CPXM2: variants seen among roughly 807,000 people sequenced by gnomAD.
CPXM2 encodes inactive carboxypeptidase-like protein X2.
CPXM2 carries 66 observed loss-of-function variants against 86.1 expected under a neutral mutation model. The ratio of observed to expected loss-of-function variants is 0.77; its 90% CI spans 0.63 to 0.94. The LOEUF (loss-of-function observed/expected upper bound fraction) is 0.94. Ranked by LOEUF, CPXM2 falls within the 40% of genes least tolerant of loss-of-function variation. The pLI is 0.00. For synonymous variants in CPXM2, 388 were observed against 400.2 expected, an observed-to-expected ratio of 0.97 and a Z score of 0.36; for missense variants, 948 against 1,026.3, an observed-to-expected ratio of 0.92 and a Z score of 1.04.
intron 12 of CPXM2, among the ~76,000 whole-genome samples, chr10:123,755,267 G>T (rs1439871607): frequency 1.3e-5 from 2 of 152,248 alleles, no homozygotes; most frequent in African/African-American, 4.8e-5. Flanking sequence ...GTCCTGCAGG[G>T]AATGTCTGCT....
intron 2 of CPXM2, among the ~76,000 whole-genome samples, chr10:123,875,423 C>A (rs1343115468): frequency 6.6e-6 from 1 of 152,164 alleles, no homozygotes; most frequent in Non-Finnish European, 1.5e-5. Context: ...GAAATACAGG[C>A]ATGGCAGTTT....
chr10:123,782,010 C>T (rs530999798), intron 6 of CPXM2, among the ~76,000 whole-genome samples: 2 of 152,300 alleles, frequency 1.3e-5, no homozygotes, highest in South Asian at 2.1e-4. Context: ...TATTCACAAA[C>T]GGCTTTCCAG....
intron 6 of CPXM2, among the ~76,000 whole-genome samples, chr10:123,787,917 TTTAA>T (rs1457918693): frequency 4.0e-5 from 6 of 151,808 alleles, no homozygotes; most frequent in African/African-American, 1.5e-4. Context: ...TAAGAGATGG[TTTAA>T]TTATTTTTTC....
chr10:123,912,484 C>A (rs1277513464), intron 2 of CPXM2, among the ~76,000 whole-genome samples: 2 of 152,240 alleles, frequency 1.3e-5, no homozygotes, highest in Admixed American at 1.3e-4. Context: ...TGGGCCACCC[C>A]TGCATCTGCA....
chr10:123,801,331 G>GT (rs1292107045), intron 4 of CPXM2, among the ~76,000 whole-genome samples: 2 of 152,046 alleles, frequency 1.3e-5, no homozygotes, highest in Admixed American at 1.3e-4. Context: ...GCTTTCCACC[G>GT]TGATTGTGAG....
chr10:123,847,630 G>A (rs115571407), intron 3 of CPXM2, among the ~76,000 whole-genome samples: 3,097 of 152,272 alleles, frequency 0.02, 104 homozygotes, highest in African/African-American at 0.069. Flanking sequence ...GTCAGGGGCC[G>A]GGTGGAATGT....
intron 2 of CPXM2, among the ~76,000 whole-genome samples, chr10:123,868,794 G>A (rs1944841917): frequency 1.3e-5 from 2 of 152,112 alleles, no homozygotes; most frequent in Non-Finnish European, 2.9e-5. Context: ...TGACCGGCAG[G>A]TGCAGCAGAC....
At position 123,891,220 on chromosome 10, in the gene CPXM2, G is replaced by T; in HGVS notation, c.304+136C>A. 2 of 724,146 alleles carry T rather than the reference G, an allele frequency of 2.8e-6. No individual in the cohort carries two copies. The highest frequency in any genetic ancestry group is 4.4e-6 in the Non-Finnish European group (2 of 458,346). The allele number at this position is 724,146 out of a possible 1,614,324, so 44.9% of individuals were successfully genotyped here. ...CAGGAAGCGCAGATACAGTCCCTAG[G>T]GAGGCAGAGGCGGCAACAGGGAGAT... On this transcript the variant is annotated intron_variant, in intron 1 of 13. Transcript: ENST00000241305. The surrounding 1 kb of genome is among the most constrained non-coding windows in gnomAD (Gnocchi z 5.6).
chr10:123,803,118 C>CTTTTTTTTTTTT lies in CPXM2; in HGVS notation c.654-3931_654-3920dup, dbSNP rs532954173. Among the ~76,000 whole-genome samples the CTTTTTTTTTTTT allele has an allele frequency of 1.5e-3, 94 of 63,636 alleles. 9 individuals carry two copies. The highest frequency in any genetic ancestry group is 0.016 in the Middle Eastern group (1 of 62). 41.7% of individuals were successfully genotyped at this position (63,636 alleles called of 152,430 possible). ...TCCTTTTCATCCTCTTTGTAGTACCCTTTTTTTTTTTTTTTTTTTTTTTTT... is the reference window on the plus strand; with the variant it reads ...TCCTTTTCATCCTCTTTGTAGTACCCTTTTTTTTTTTTTTTTTTTTTTTTTTTTTTTTTTTTT... On this transcript the variant is annotated intron_variant, in intron 4 of 13. Coordinates refer to ENST00000241305, the MANE Select transcript of CPXM2 (RefSeq NM_198148.3).
chr10:123,928,138 C>T (rs1448647050), intron 2 of CPXM2, among the ~76,000 whole-genome samples: 1 of 152,212 alleles, frequency 6.6e-6, no homozygotes, highest in East Asian at 1.9e-4. Flanking sequence ...TCATAGACCA[C>T]AGATTCATGC....
intron 4 of CPXM2, among the ~76,000 whole-genome samples, chr10:123,804,252 T>A (rs1025364616): frequency 2.0e-4 from 30 of 152,212 alleles, no homozygotes; most frequent in Non-Finnish European, 4.4e-5. Context: ...CAGTCCTATA[T>A]AAATTTTAAA....
upstream of CPXM2, among the ~76,000 whole-genome samples, chr10:123,896,406 G>T (rs1945338558): frequency 6.6e-6 from 1 of 152,066 alleles, no homozygotes; most frequent in African/African-American, 2.4e-5. Flanking sequence ...AAGCTGGAGG[G>T]TTTTTCTCGT....
intron 2 of CPXM2, among the ~76,000 whole-genome samples, chr10:123,937,736 C>A (rs1448937703): frequency 6.6e-6 from 1 of 151,970 alleles, no homozygotes; most frequent in Non-Finnish European, 1.5e-5. Context: ...AGAAAAAAGC[C>A]CCAGGCAACT....
chr10:123,920,991 G>C (rs183477201), intron 2 of CPXM2, among the ~76,000 whole-genome samples: 27 of 152,020 alleles, frequency 1.8e-4, no homozygotes, highest in Admixed American at 6.5e-4. Context: ...TTTTTTCCTT[G>C]TAAGTTACCC....
chr10:123,763,562 G>T (rs1234758747), intron 10 of CPXM2, among the ~76,000 whole-genome samples: 1 of 150,800 alleles, frequency 6.6e-6, no homozygotes, highest in Non-Finnish European at 1.5e-5. Context: ...AAAAAAAGGC[G>T]GGGGCAGAGG....
At chr10:123,842,855 A>G (rs1848414786) in intron 3 of CPXM2, among the ~76,000 whole-genome samples, 2 of 152,206 alleles carry the variant, frequency 1.3e-5, no homozygotes, top group Admixed American at 1.3e-4. Context: ...GAACCTCGCC[A>G]TCTAGGCAGG....
At chr10:123,914,043 G>A (rs1370929634) in intron 2 of CPXM2, 1 of 494,988 alleles carries the variant, frequency 2.0e-6, no homozygotes, top group Admixed American at 2.0e-5. Context: ...AAGGCAGGAA[G>A]TCAGTGTCAT....
At chr10:123,906,610 C>T (rs908488132) in intron 2 of CPXM2, among the ~76,000 whole-genome samples, 14 of 152,194 alleles carry the variant, frequency 9.2e-5, no homozygotes, top group African/African-American at 3.4e-4. Context: ...CTGCAAATTC[C>T]TCACTGTGGA....
intron 4 of CPXM2, among the ~76,000 whole-genome samples, chr10:123,807,671 AAGG>A (rs1847609222): frequency 6.6e-6 from 1 of 152,296 alleles, no homozygotes; most frequent in East Asian, 1.9e-4. Context: ...TTAGATGGAA[AAGG>A]AGGAGGGGCA....
Sources: gnomAD v4.1 joint callset for allele counts (sites outside exome capture counted in the v4.1 genomes callset) on GRCh38, gnomAD v4.1.1 for gene constraint, Gnocchi (gnomAD v3.1) non-coding constraint, MANE v1.5 for transcripts, NCBI Gene and HGNC (gene_info 2026-07-23, HGNC 2026-07-21) for gene names.